The following CHODL variants were observed in gnomAD, a reference collection of about 807,000 sequenced individuals.
CHODL encodes the protein chondrolectin.
A neutral mutation model predicts 34.5 loss-of-function variants in CHODL; 29 were observed. That is an observed-to-expected ratio of 0.84 (90% CI 0.63 to 1.15). The LOEUF is 1.15. Ranked by LOEUF, CHODL falls within the 50% of genes most tolerant of loss-of-function variation. The probability of loss-of-function intolerance (pLI) is 0.00; values close to 1 mark genes in which losing one functional copy is unlikely to be tolerated. For synonymous variants in CHODL, 125 were observed against 116.1 expected (o/e 1.08, Z -0.49); for missense variants, 332 against 332.5 (o/e 1.00, Z 0.01).
intron 1 of CHODL, among the ~76,000 whole-genome samples, chr21:17,989,624 T>G (rs955537913): frequency 6.6e-6 from 1 of 152,152 alleles, no homozygotes; most frequent in Admixed American, 6.5e-5. Context: ...TGTATTTAAA[T>G]CTGCTCAAGA....
At chr21:18,011,746 A>G (rs1049497298) in intron 1 of CHODL, among the ~76,000 whole-genome samples, 9 of 152,330 alleles carry the variant, frequency 5.9e-5, no homozygotes, top group Admixed American at 5.2e-4. Context: ...TAATAATAAA[A>G]GGTTATTTTT....
At chr21:17,923,127 T>A (rs976714596) in intron 1 of CHODL, among the ~76,000 whole-genome samples, 3 of 152,010 alleles carry the variant, frequency 2.0e-5, no homozygotes, top group Non-Finnish European at 4.4e-5. Flanking sequence ...GGGGTGGGGG[T>A]TGGCTTTGAA....
intron 2 of CHODL, among the ~76,000 whole-genome samples, chr21:18,130,799 A>T (rs982473393): frequency 6.6e-6 from 1 of 152,218 alleles, no homozygotes; most frequent in Non-Finnish European, 1.5e-5. Flanking sequence ...CCACTAAAGA[A>T]TGTTATTTAT....
At chr21:18,116,998 T>C (rs865847840) in intron 2 of CHODL, among the ~76,000 whole-genome samples, 5 of 152,234 alleles carry the variant, frequency 3.3e-5, no homozygotes, top group Non-Finnish European at 5.9e-5. Context: ...GTAGTGACAC[T>C]GATAGAGCTT....
chr21:18,006,524 G>A (rs1364992071), intron 1 of CHODL, among the ~76,000 whole-genome samples: 3 of 152,116 alleles, frequency 2.0e-5, no homozygotes, highest in African/African-American at 7.2e-5. Context: ...TAAACCAAAA[G>A]AAGAAAACAC....
intron 2 of CHODL, among the ~76,000 whole-genome samples, chr21:18,179,937 T>C (rs1460518304): frequency 6.6e-6 from 1 of 152,156 alleles, no homozygotes; most frequent in Admixed American, 6.5e-5. Flanking sequence ...GGAGTGACTA[T>C]AGGGTAGATA....
chr21:18,209,966 G>A (rs528111272), intron 2 of CHODL, among the ~76,000 whole-genome samples: 1 of 152,312 alleles, frequency 6.6e-6, no homozygotes, highest in South Asian at 2.1e-4. Context: ...TCCTGGAGCT[G>A]CAAGCTGCAA....
chr21:18,085,236 T>C (rs987419885), intron 2 of CHODL, among the ~76,000 whole-genome samples: 2 of 152,136 alleles, frequency 1.3e-5, no homozygotes, highest in African/African-American at 4.8e-5. Context: ...TTTTGATTCA[T>C]CTTCCAATCT....
chr21:18,162,689 T>C lies in CHODL; in HGVS notation c.-44-93820T>C, dbSNP rs1471468548. Among the ~76,000 whole-genome samples, 4 of 152,350 alleles carry C rather than the reference T, an allele frequency of 2.6e-5. No homozygotes were observed. The South Asian group carries it at 8.3e-4, about 32-fold the overall frequency. On this transcript the variant is annotated intron_variant, in intron 2 of 6. Coordinates refer to the CHODL transcript ENST00000400127. ...TAATTCCACCCATAATAACTATTTTTAAACTTCAATTAAATAGAATTATAT... is the reference window on the plus strand; with the variant it reads ...TAATTCCACCCATAATAACTATTTTCAAACTTCAATTAAATAGAATTATAT...
At chr21:18,050,322 G>A (rs1319930429) in intron 2 of CHODL, among the ~76,000 whole-genome samples, 1 of 151,944 alleles carries the variant, frequency 6.6e-6, no homozygotes, top group Admixed American at 6.6e-5. Flanking sequence ...TTAGGCTTAG[G>A]GAAGAGTTGG....
chr21:18,209,730 G>A (rs2073753147), intron 2 of CHODL, among the ~76,000 whole-genome samples: 1 of 152,102 alleles, frequency 6.6e-6, no homozygotes, highest in Non-Finnish European at 1.5e-5. Flanking sequence ...GGGCTCTTTA[G>A]TCAGCAGATG....
At chr21:18,055,555 A>G (rs1169748099) in intron 2 of CHODL, among the ~76,000 whole-genome samples, 1 of 152,078 alleles carries the variant, frequency 6.6e-6, no homozygotes, top group African/African-American at 2.4e-5. Flanking sequence ...CTCTTTGGAA[A>G]GTTAGCGACA....
intron 1 of CHODL, among the ~76,000 whole-genome samples, chr21:17,955,213 CT>C (rs1284318275): frequency 1.5e-5 from 2 of 136,900 alleles, no homozygotes; most frequent in Non-Finnish European, 3.3e-5. Flanking sequence ...TCTTTTTTCA[CT>C]GAAATAATCT....
intron 2 of CHODL, among the ~76,000 whole-genome samples, chr21:18,191,669 G>C (rs2073512171): frequency 6.6e-6 from 1 of 152,184 alleles, no homozygotes; most frequent in South Asian, 2.1e-4. Flanking sequence ...TGATTGAGGT[G>C]TAGAAGTACT....
intron 2 of CHODL, among the ~76,000 whole-genome samples, chr21:18,109,696 A>G (rs2065323463): frequency 6.6e-6 from 1 of 152,146 alleles, no homozygotes. Context: ...TAAGTGTTAA[A>G]TAAATAATTT....
intron 1 of CHODL, among the ~76,000 whole-genome samples, chr21:18,014,625 G>T (rs1008719932): frequency 2.0e-5 from 3 of 152,154 alleles, no homozygotes; most frequent in African/African-American, 7.2e-5. Flanking sequence ...TTGCAATAGT[G>T]AGTAAGCTCT....
chr21:18,011,144 A>C (rs548678273), intron 1 of CHODL, among the ~76,000 whole-genome samples: 1 of 152,170 alleles, frequency 6.6e-6, no homozygotes, highest in Admixed American at 6.5e-5. Context: ...TAGTAAGGAT[A>C]TGTAGATGGG....
chr21:18,053,304 A>G (rs917913381), intron 2 of CHODL, among the ~76,000 whole-genome samples: 5 of 151,984 alleles, frequency 3.3e-5, no homozygotes, highest in East Asian at 3.9e-4. Context: ...TCTTTACATC[A>G]TTGTAATTGG....
chr21:18,157,356 A>G (rs2073046667), intron 2 of CHODL, among the ~76,000 whole-genome samples: 1 of 152,254 alleles, frequency 6.6e-6, no homozygotes, highest in African/African-American at 2.4e-5. Flanking sequence ...AACTATACAG[A>G]AAAACATTTT....
Sources: allele counts gnomAD v4.1 joint callset (sites outside exome capture counted in the v4.1 genomes callset), GRCh38; gene constraint gnomAD v4.1.1; transcripts MANE v1.5; gene names NCBI Gene and HGNC (gene_info 2026-07-23, HGNC 2026-07-21).